The following NTN4 variants were observed in gnomAD, a reference collection of about 807,000 sequenced individuals.
The protein encoded by NTN4 is netrin-4.
In NTN4, 32 loss-of-function variants were observed where a neutral mutation model predicts 73.6. The ratio of observed to expected loss-of-function variants is 0.44; its 90% CI spans 0.33 to 0.58. The LOEUF (loss-of-function observed/expected upper bound fraction) is 0.58. Among genes scored for constraint, NTN4 ranks in the 20% least tolerant of loss-of-function variants. The probability of loss-of-function intolerance (pLI) is 0.04; values close to 1 mark genes in which losing one functional copy is unlikely to be tolerated. For missense variants in NTN4, 654 were observed against 798.3 expected, an observed-to-expected ratio of 0.82 and a Z score of 2.18; for synonymous variants, 258 against 287.5, an observed-to-expected ratio of 0.90 and a Z score of 1.04.
chr12:95,770,731 C>T (rs1427216451), intron 2 of NTN4, among the ~76,000 whole-genome samples: 3 of 152,148 alleles, frequency 2.0e-5, no homozygotes, highest in African/African-American at 4.8e-5. Context: ...CAGTAGCAGC[C>T]GGAAGACAGT....
At chr12:95,682,875 T>C in intron 6 of NTN4, 53 bp from the exon 7 acceptor site, 5 of 1,030,504 alleles carry the variant, frequency 4.9e-6, no homozygotes, top group Non-Finnish European at 7.6e-6. Context: ...TTAGAACTTG[T>C]ATAGAAATGA....
At chr12:95,763,862 G>A (rs1228287377) in intron 2 of NTN4, among the ~76,000 whole-genome samples, 1 of 152,162 alleles carries the variant, frequency 6.6e-6, no homozygotes, top group African/African-American at 2.4e-5. Flanking sequence ...GCATGAGACA[G>A]AAAAATATGT....
rs181358288 is a variant in NTN4, at chr12:95,776,168, C to T, written c.585+10771G>A. On this transcript the variant is annotated intron_variant, in intron 2 of 9. Transcript: ENST00000343702. ...CACCAAAACCCCATCTGTACATCAC[C>T]ATCATCAAAGACCAAAGGTAGATAA... 5.2e-3 allele frequency among the ~76,000 whole-genome samples: 788 copies of T among 152,238 alleles called. 5 individuals are homozygous for T. The highest frequency in any genetic ancestry group is 0.017 in the Middle Eastern group (5 of 294).
chr12:95,747,552 C>T (rs2121205124), intron 2 of NTN4, among the ~76,000 whole-genome samples: 1 of 152,200 alleles, frequency 6.6e-6, no homozygotes, highest in Non-Finnish European at 1.5e-5. Context: ...GATCTTCCTG[C>T]CTTGGTCTCT....
rs1424555696 is a variant in NTN4 at position 95,790,345 on chromosome 12, G to A, written c.-36C>T. 11 of 1,510,798 alleles carry A rather than the reference G, an allele frequency of 7.3e-6. No homozygotes were observed. Among genetic ancestry groups the A allele is most frequent in the Non-Finnish European group, 9.7e-6 (11 of 1,128,222 alleles). 93.6% of individuals were successfully genotyped at this position (1,510,798 alleles called of 1,614,324 possible). A position where few individuals can be genotyped will look rare whatever the true frequency, so the allele number is the denominator to read the frequency against. On this transcript the variant is annotated 5_prime_UTR_variant, in exon 1 of 10. Coordinates refer to ENST00000343702, the MANE Select transcript of NTN4 (RefSeq NM_021229.4). This position sits in a 1 kb window ranked among gnomAD's most constrained non-coding sequence, Gnocchi z 6.5. The stretch of plus-strand genomic sequence containing the variant: ...AGCCGGGAGCAGCCGGGCCGGGCGG[G>A]TGCCGGAGGGAGCCGAGACCTCTGG...
At chr12:95,773,058 A>G (rs1361465106) in intron 2 of NTN4, among the ~76,000 whole-genome samples, 6 of 151,172 alleles carry the variant, frequency 4.0e-5, no homozygotes, top group Non-Finnish European at 8.8e-5. Context: ...GCTGGAGTGA[A>G]GTGGCACGAT....
chr12:95,779,913 A>C (rs956130100), intron 2 of NTN4, among the ~76,000 whole-genome samples: 7 of 151,260 alleles, frequency 4.6e-5, no homozygotes, highest in African/African-American at 9.7e-5. Context: ...ACTATACTAC[A>C]AGTAACCAAA....
rs1238688902 is a variant in NTN4, at chr12:95,790,280, GAGC to G, written c.27_29del (p.Leu10del). 1.3e-6 allele frequency: 2 copies of G among 1,535,416 alleles called. No individual in the cohort carries two copies. Among genetic ancestry groups the G allele is most frequent in the African/African-American group, 1.4e-5 (1 of 70,788 alleles). On this transcript the variant is annotated inframe_deletion, in exon 1 of 10. Coordinates refer to ENST00000343702, the MANE Select transcript of NTN4 (RefSeq NM_021229.4). This position sits in a 1 kb window ranked among gnomAD's most constrained non-coding sequence, Gnocchi z 6.5. ...CTGCGGCCACCACCGTGCAGCCCCA[GAGC>G]AGCAGCAGCCGCGCGCAGCTCCCCA...
At chr12:95,687,999 AGTCAG>A (rs2078374882) in intron 5 of NTN4, among the ~76,000 whole-genome samples, 1 of 152,182 alleles carries the variant, frequency 6.6e-6, no homozygotes, top group Non-Finnish European at 1.5e-5. Context: ...AAAGCTGTAG[AGTCAG>A]GTCGGATGGT....
At chr12:95,722,703 T>G (rs535542693) in intron 3 of NTN4, among the ~76,000 whole-genome samples, 1 of 150,948 alleles carries the variant, frequency 6.6e-6, no homozygotes, top group Non-Finnish European at 1.5e-5. Flanking sequence ...GGCCAGGTGC[T>G]GTGGCTCATG....
Position 95,731,961 on chromosome 12 carries a change from A to C in NTN4, c.864+5905T>G, listed in dbSNP as rs141515006. Among the ~76,000 whole-genome samples, 995 of 152,304 alleles carry C rather than the reference A, an allele frequency of 6.5e-3. 13 individuals carry two copies. The highest frequency in any genetic ancestry group is 0.022 in the African/African-American group (929 of 41,570). Reference sequence around the variant, plus strand: ...TCAATAATACTTGTAGCATGACAGCACAAGACCTGGCACATAGTAGGCATT... The same window carrying C: ...TCAATAATACTTGTAGCATGACAGCCCAAGACCTGGCACATAGTAGGCATT... On this transcript the variant is annotated intron_variant, in intron 3 of 9. Coordinates refer to ENST00000343702, the MANE Select transcript of NTN4 (RefSeq NM_021229.4).
chr12:95,775,000 T>C (rs528374525), intron 2 of NTN4, among the ~76,000 whole-genome samples: 1 of 152,360 alleles, frequency 6.6e-6, no homozygotes, highest in African/African-American at 2.4e-5. Flanking sequence ...AGCTGAGTAA[T>C]TGAAGACAAG....
intron 2 of NTN4, among the ~76,000 whole-genome samples, chr12:95,758,720 A>G (rs747151382): frequency 3.3e-5 from 5 of 151,984 alleles, no homozygotes; most frequent in African/African-American, 4.8e-5. Flanking sequence ...AAGCACCACC[A>G]CACCAGGCTA....
chr12:95,710,376 G>A, intron 5 of NTN4, 65 bp downstream of exon 5: 2 of 1,313,340 alleles, frequency 1.5e-6, no homozygotes, highest in Admixed American at 2.1e-5. Flanking sequence ...TTAGCAGAAT[G>A]AGGGATAAAG....
chr12:95,720,011 C>T (rs888117954), intron 3 of NTN4, among the ~76,000 whole-genome samples: 7 of 152,160 alleles, frequency 4.6e-5, no homozygotes, highest in African/African-American at 1.4e-4. Context: ...AGTGTAAAAA[C>T]AATTATAATT....
Position 95,781,127 on chromosome 12 carries a change from C to T in NTN4, c.585+5812G>A, listed in dbSNP as rs1460390386. Among the ~76,000 whole-genome samples the T allele has an allele frequency of 6.6e-6, 1 of 152,044 alleles. No homozygotes were observed. Among genetic ancestry groups the T allele is most frequent in the Non-Finnish European group, 1.5e-5 (1 of 68,026 alleles). ...GAACACTTGGGCACAGGAAGGGGAA[C>T]ATCACACACACACCGGGGCCTGTTG... On this transcript the variant is annotated intron_variant, in intron 2 of 9. Transcript: ENST00000343702. The surrounding 1 kb of genome is among the most constrained non-coding windows in gnomAD (Gnocchi z 4.1).
At chr12:95,700,790 CCTTT>C (rs1277898027) in intron 5 of NTN4, among the ~76,000 whole-genome samples, 66 of 150,228 alleles carry the variant, frequency 4.4e-4, no homozygotes, top group Non-Finnish European at 9.3e-4. Context: ...TCTTTTCTTC[CCTTT>C]CTTTTTTCTT....
intron 2 of NTN4, among the ~76,000 whole-genome samples, chr12:95,771,732 G>A (rs186901072): frequency 6.6e-6 from 1 of 152,044 alleles, no homozygotes; most frequent in Admixed American, 6.5e-5. Context: ...AAAATCTGAA[G>A]GTCTCTAAAA....
At chr12:95,670,243 A>G in intron 7 of NTN4, 97 bp from the exon 8 acceptor site, 1 of 648,880 alleles carries the variant, frequency 1.5e-6, no homozygotes. Context: ...ACATCCCTTA[A>G]GCCTTGAGTG....
Sources: gnomAD v4.1 joint callset for allele counts (sites outside exome capture counted in the v4.1 genomes callset) on GRCh38, gnomAD v4.1.1 for gene constraint, Gnocchi (gnomAD v3.1) non-coding constraint, MANE v1.5 for transcripts, NCBI Gene and HGNC (gene_info 2026-07-23, HGNC 2026-07-21) for gene names.